Variants in ZMAT4 observed in about 807,000 individuals in gnomAD.
The protein encoded by ZMAT4 is zinc finger matrin-type protein 4.
Under a neutral mutation model 28.7 loss-of-function variants are expected in ZMAT4, and 17 were observed. The observed-to-expected ratio is 0.59, with a 90% CI of 0.41 to 0.89. The LOEUF (loss-of-function observed/expected upper bound fraction) is 0.89, where lower values mean the gene tolerates loss of function less well. ZMAT4 is among the 40% of genes least tolerant of loss of function. ZMAT4 has a pLI of 0.00. For missense variants in ZMAT4, 240 were observed against 283.8 expected (o/e 0.85, Z 1.11); for synonymous variants, 117 against 109.2 (o/e 1.07, Z -0.44).
intron 3 of ZMAT4, among the ~76,000 whole-genome samples, chr8:40,754,902 T>A (rs1324751983): frequency 6.6e-6 from 1 of 152,174 alleles, no homozygotes; most frequent in Non-Finnish European, 1.5e-5. Context: ...TGCATGCCTG[T>A]GGTCTGCGTA....
At chr8:40,896,478 G>A (rs990684883) in intron 1 of ZMAT4, among the ~76,000 whole-genome samples, 1 of 152,218 alleles carries the variant, frequency 6.6e-6, no homozygotes, top group African/African-American at 2.4e-5. Context: ...GAAGTGCGGT[G>A]GGCACACAAG....
At chr8:40,600,509 C>T (rs1805264294) in intron 5 of ZMAT4, among the ~76,000 whole-genome samples, 1 of 152,234 alleles carries the variant, frequency 6.6e-6, no homozygotes, top group African/African-American at 2.4e-5. Flanking sequence ...ACCTTCCCTT[C>T]ACCACATGCT....
rs1009403596 is a variant in ZMAT4, at chr8:40,613,272, TC to T, written c.578-32012del. ...ATCTCAGCTCACTGAAACTTCCACC[TC>T]CTGGGTTCAAGCAATCCTCCTGACT... On this transcript the variant is annotated intron_variant, in intron 5 of 6. Transcript: ENST00000297737. Among the ~76,000 whole-genome samples the T allele has an allele frequency of 1.5e-3, 192 of 130,658 alleles. 1 individual carries two copies. The highest frequency in any genetic ancestry group is 5.4e-3 in the African/African-American group (188 of 35,060). The allele number at this position is 130,658 out of a possible 152,430, so 85.7% of individuals were successfully genotyped here. A position where few individuals can be genotyped will look rare whatever the true frequency, so the allele number is the denominator to read the frequency against.
intron 2 of ZMAT4, among the ~76,000 whole-genome samples, chr8:40,799,018 T>A (rs1814711325): frequency 6.6e-6 from 1 of 152,138 alleles, no homozygotes; most frequent in African/African-American, 2.4e-5. Context: ...TCCATTTCCA[T>A]CTTGATAAAT....
Position 40,674,751 on chromosome 8 carries a change from G to A in ZMAT4, c.530C>T (p.Ala177Val), listed in dbSNP as rs1402344567. The A allele has an allele frequency of 6.2e-7, 1 of 1,613,846 alleles. No homozygotes were observed. The highest frequency in any genetic ancestry group is 8.5e-7 in the Non-Finnish European group (1 of 1,179,926). ...KKHKKNAARV[A>V]LLEQLGTTLD... Reference sequence around the variant, plus strand: ...GGTTGTCCCCAGTTGTTCTAACAAAGCAACTCTTGCCGCATTCTTTTTGTG... The same window carrying A: ...GGTTGTCCCCAGTTGTTCTAACAAAACAACTCTTGCCGCATTCTTTTTGTG... Residue 177 changes from alanine (A) to valine (V), a missense_variant, in exon 5 of 7, where the codon GCT becomes GTT. Transcript: ENST00000297737.
chr8:40,719,401 C>T (rs1196741735), intron 3 of ZMAT4, among the ~76,000 whole-genome samples: 1 of 151,834 alleles, frequency 6.6e-6, no homozygotes, highest in Non-Finnish European at 1.5e-5. Flanking sequence ...GAGATCGTGC[C>T]ATCCAACCTG....
chr8:40,672,098 C>CA (rs1253628166), intron 5 of ZMAT4, among the ~76,000 whole-genome samples: 2 of 150,660 alleles, frequency 1.3e-5, no homozygotes, highest in East Asian at 3.9e-4. Context: ...AAAGAAAATA[C>CA]AAAAAAAAGT....
intron 2 of ZMAT4, among the ~76,000 whole-genome samples, chr8:40,801,781 G>T (rs1470937554): frequency 6.6e-6 from 1 of 152,108 alleles, no homozygotes; most frequent in Non-Finnish European, 1.5e-5. Flanking sequence ...ATAAGAAAAA[G>T]AAAACTACAG....
intron 5 of ZMAT4, among the ~76,000 whole-genome samples, chr8:40,629,868 C>T (rs888835625): frequency 6.6e-6 from 1 of 152,080 alleles, no homozygotes; most frequent in African/African-American, 2.4e-5. Context: ...TATAAACATA[C>T]GTGTGCATGT....
At chr8:40,767,493 A>T in intron 3 of ZMAT4, 148 bp downstream of exon 3, 2 of 644,832 alleles carry the variant, frequency 3.1e-6, no homozygotes, top group South Asian at 5.3e-5. Context: ...CTCGATATAT[A>T]TCATAGTACC....
In ZMAT4 at chr8:40,596,157, G is replaced by T. The variant is rs117607793; in HGVS notation, c.578-14896C>A. ...GATAAGAAATAGTACATTGTATGGGGCACCTACTGTAATTGAAGCTTGCAG... is the reference window on the plus strand; with the variant it reads ...GATAAGAAATAGTACATTGTATGGGTCACCTACTGTAATTGAAGCTTGCAG... On this transcript the variant is annotated intron_variant, in intron 5 of 6. Coordinates refer to ENST00000297737, the MANE Select transcript of ZMAT4 (RefSeq NM_024645.3). 4.1e-3 allele frequency among the ~76,000 whole-genome samples: 629 copies of T among 152,216 alleles called. 1 individual carries two copies. Among genetic ancestry groups the T allele is most frequent in the Non-Finnish European group, 6.9e-3 (469 of 67,996 alleles).
intron 2 of ZMAT4, among the ~76,000 whole-genome samples, chr8:40,807,496 C>T (rs548055699): frequency 6.6e-6 from 1 of 152,168 alleles, no homozygotes; most frequent in African/African-American, 2.4e-5. Context: ...ATCTAAGTGG[C>T]TATGGATGAT....
chr8:40,860,115 T>C (rs1382702923), intron 1 of ZMAT4, among the ~76,000 whole-genome samples: 1 of 152,122 alleles, frequency 6.6e-6, no homozygotes, highest in African/African-American at 2.4e-5. Flanking sequence ...CATCTGAAAA[T>C]ATGGAGAATA....
chr8:40,793,569 G>A (rs1463068859), intron 2 of ZMAT4, among the ~76,000 whole-genome samples: 2 of 152,212 alleles, frequency 1.3e-5, no homozygotes, highest in Non-Finnish European at 2.9e-5. Flanking sequence ...ATTTGGGGGT[G>A]TTTCTAAAGC....
intron 6 of ZMAT4, among the ~76,000 whole-genome samples, chr8:40,544,625 G>A (rs565224088): frequency 1.2e-4 from 18 of 152,226 alleles, no homozygotes; most frequent in Non-Finnish European, 1.9e-4. Context: ...ACTCAAATAA[G>A]ATTCACAGAA....
At chr8:40,698,945 G>C (rs1810009433) in intron 3 of ZMAT4, among the ~76,000 whole-genome samples, 1 of 152,072 alleles carries the variant, frequency 6.6e-6, no homozygotes, top group Non-Finnish European at 1.5e-5. Flanking sequence ...CTGAGGCTGT[G>C]CTCATTGGCA....
At chr8:40,589,731 C>CCTTTCTTTCTTTCTTTCTTTCCTT (rs1804796324) in intron 5 of ZMAT4, among the ~76,000 whole-genome samples, 1 of 139,274 alleles carries the variant, frequency 7.2e-6, no homozygotes, top group African/African-American at 2.7e-5. Context: ...TTCTTCCTTT[C>CCTTTCTTTCTTTCTTTCTTTCCTT]CTTTCTTTCT....
intron 5 of ZMAT4, among the ~76,000 whole-genome samples, chr8:40,635,562 T>C (rs1470054795): frequency 6.6e-6 from 1 of 152,208 alleles, no homozygotes; most frequent in Non-Finnish European, 1.5e-5. Context: ...TAATCAAGAC[T>C]TCTATTCCCT....
At chr8:40,660,731 T>C (rs1808150840) in intron 5 of ZMAT4, among the ~76,000 whole-genome samples, 1 of 152,224 alleles carries the variant, frequency 6.6e-6, no homozygotes, top group Admixed American at 6.5e-5. Context: ...CCCCATTTTC[T>C]TGGGGAAACA....
Sources: allele counts gnomAD v4.1 joint callset (sites outside exome capture counted in the v4.1 genomes callset), GRCh38; gene constraint gnomAD v4.1.1; transcripts MANE v1.5; gene names NCBI Gene and HGNC (gene_info 2026-07-23, HGNC 2026-07-21).